The following DHTKD1 variants were observed in gnomAD, a reference collection of about 807,000 sequenced individuals.
DHTKD1 encodes the protein dehydrogenase E1 and transketolase domain containing 1, also known as 2-oxoadipate dehydrogenase complex component E1.
DHTKD1 carries 78 observed loss-of-function variants against 101.8 expected under a neutral mutation model. That is an observed-to-expected ratio of 0.77 (90% CI 0.64 to 0.93). The LOEUF (loss-of-function observed/expected upper bound fraction) is 0.93. Ranked by LOEUF, DHTKD1 falls within the 40% of genes least tolerant of loss-of-function variation. The pLI is 0.00. For missense variants in DHTKD1, 1,223 were observed against 1,161.7 expected (o/e 1.05, Z -0.77); for synonymous variants, 462 against 450.3 (o/e 1.03, Z -0.33).
intron 7 of DHTKD1, among the ~76,000 whole-genome samples, chr10:12,095,767 C>T (rs539502438): frequency 8.0e-6 from 1 of 124,928 alleles, no homozygotes; most frequent in South Asian, 3.0e-4. Context: ...GAGCCCAGAT[C>T]GCACCACTGC....
intron 14 of DHTKD1, among the ~76,000 whole-genome samples, chr10:12,118,425 C>T (rs191197515): frequency 0.011 from 1,662 of 151,372 alleles, 32 homozygotes; most frequent in African/African-American, 0.038. Context: ...CTCTGTCGCC[C>T]AGGCTGGAGT....
rs1259827946 is a variant in DHTKD1 at position 12,087,912 on chromosome 10, G to C, written c.717+183G>C. On this transcript the variant is annotated intron_variant, in intron 4 of 16. Transcript: ENST00000263035. The surrounding 1 kb of genome is among the most constrained non-coding windows in gnomAD (Gnocchi z 5.2). ...GGATGGCTTGAATCTAGGAGTTTGAGACCACCCTGTGGAACAAAGTGAGAC... is the reference window on the plus strand; with the variant it reads ...GGATGGCTTGAATCTAGGAGTTTGACACCACCCTGTGGAACAAAGTGAGAC... 1.3e-5 allele frequency among the ~76,000 whole-genome samples: 2 copies of C among 152,002 alleles called. No individual in the cohort carries two copies. The highest frequency in any genetic ancestry group is 2.9e-5 in the Non-Finnish European group (2 of 68,000).
chr10:12,070,456 G>A (rs1261510946), intron 1 of DHTKD1, among the ~76,000 whole-genome samples: 5 of 151,984 alleles, frequency 3.3e-5, no homozygotes, highest in Admixed American at 6.6e-5. Flanking sequence ...CACTTCGGAG[G>A]GCATTTAAAA....
chr10:12,109,178 A>G (rs1013131549), intron 12 of DHTKD1, among the ~76,000 whole-genome samples: 2 of 151,930 alleles, frequency 1.3e-5, no homozygotes, highest in African/African-American at 4.8e-5. Context: ...AATAATAAAT[A>G]GAGATATCAA....
intron 15 of DHTKD1, among the ~76,000 whole-genome samples, chr10:12,119,600 A>G (rs564761884): frequency 2.8e-5 from 4 of 142,730 alleles, no homozygotes; most frequent in African/African-American, 1.1e-4. Context: ...TGGGCGACAG[A>G]GCGAGACTCC....
Position 12,084,718 on chromosome 10 carries a change from A to G in DHTKD1, c.489A>G (p.Arg163=). Residue 163 remains arginine, a synonymous_variant, in exon 3 of 17, where the codon CGA becomes CGG. Transcript: ENST00000263035. ...LQKETFTTEE[R]KHLSKLMLES... ...AGGAGACGTTTACCACAGAAGAGCG[A>G]AAACATCTGTCGAAACTAATGCTGG... is the stretch of plus-strand genomic sequence containing the variant. 1 of 1,614,166 alleles carries G rather than the reference A, an allele frequency of 6.2e-7. No homozygotes were observed. The highest frequency in any genetic ancestry group is 8.5e-7 in the Non-Finnish European group (1 of 1,180,028).
In DHTKD1 at chr10:12,119,379, G is replaced by A. The variant is rs537076450; in HGVS notation, c.2572+461G>A. ...GCCTGTAGTCCCAGCACTTTGGGAGGCCGAGGTGGGCGGATCACGAGGTCA... is the reference window on the plus strand; with the variant it reads ...GCCTGTAGTCCCAGCACTTTGGGAGACCGAGGTGGGCGGATCACGAGGTCA... On this transcript the variant is annotated intron_variant, in intron 15 of 16. Transcript: ENST00000263035. Among the ~76,000 whole-genome samples the A allele has an allele frequency of 3.2e-3, 490 of 151,724 alleles. 1 individual carries two copies. The highest frequency in any genetic ancestry group is 7.9e-3 in the Admixed American group (120 of 15,202).
intron 10 of DHTKD1, among the ~76,000 whole-genome samples, chr10:12,104,294 T>C (rs1262192369): frequency 6.6e-6 from 1 of 152,098 alleles, no homozygotes; most frequent in Non-Finnish European, 1.5e-5. Context: ...TTCTCCCACC[T>C]CAGCCTCCCA....
rs150685876 is a variant in DHTKD1, at chr10:12,112,971, T to C, written c.2226T>C (p.Pro742=). The C allele has an allele frequency of 5.6e-6, 9 of 1,614,062 alleles. No individual in the cohort carries two copies. In the African/African-American group the frequency reaches 1.1e-4, roughly 19 times the overall value. Residue 742 remains proline (P), a synonymous_variant, in exon 13 of 17, where the codon CCT becomes CCC. Coordinates refer to ENST00000263035, the MANE Select transcript of DHTKD1 (RefSeq NM_018706.7). The part of the protein sequence containing the change: ...VNMFVVHPTT[P]AQYFHLLRRQ... ...TGTTTGTGGTTCACCCAACAACTCC[T>C]GCACAGTATTTCCACTTGCTTAGGA...
At chr10:12,113,171 T>C (rs1487111955) in intron 13 of DHTKD1, 107 bp downstream of exon 13, 1 of 1,026,728 alleles carries the variant, frequency 9.7e-7, no homozygotes, top group African/African-American at 1.7e-5. Context: ...AACACCTTTT[T>C]AGTTTCAACT....
intron 2 of DHTKD1, among the ~76,000 whole-genome samples, chr10:12,083,094 C>T (rs1832848219): frequency 6.6e-6 from 1 of 151,702 alleles, no homozygotes; most frequent in Non-Finnish European, 1.5e-5. Flanking sequence ...GGAAGCGGAG[C>T]TTGCAGTGAG....
chr10:12,097,464 GGGTTTCA>G (rs1483337221), intron 7 of DHTKD1, among the ~76,000 whole-genome samples: 1 of 152,018 alleles, frequency 6.6e-6, no homozygotes, highest in Admixed American at 6.6e-5. Context: ...AGTAGAGACA[GGGTTTCA>G]CCACGTTGGC....
At chr10:12,080,995 T>A (rs1371725246) in intron 1 of DHTKD1, among the ~76,000 whole-genome samples, 1 of 151,578 alleles carries the variant, frequency 6.6e-6, no homozygotes, top group Non-Finnish European at 1.5e-5. Flanking sequence ...TGAGCCCAGG[T>A]TGCAGTGAGC....
intron 7 of DHTKD1, among the ~76,000 whole-genome samples, chr10:12,096,152 AG>A (rs1833069011): frequency 6.6e-6 from 1 of 152,132 alleles, no homozygotes; most frequent in Non-Finnish European, 1.5e-5. Flanking sequence ...AATGTGACGG[AG>A]GGGGAATTTG....
intron 5 of DHTKD1, among the ~76,000 whole-genome samples, chr10:12,089,851 A>T (rs1247981087): frequency 6.6e-6 from 1 of 151,952 alleles, no homozygotes; most frequent in Non-Finnish European, 1.5e-5. Flanking sequence ...TTGTATTTTT[A>T]GTAGAGACAG....
chr10:12,104,478 C>CTTCCTT (rs747663620), intron 10 of DHTKD1, among the ~76,000 whole-genome samples: 10 of 152,150 alleles, frequency 6.6e-5, no homozygotes, highest in Non-Finnish European at 1.2e-4. Context: ...TCTGCCCGTC[C>CTTCCTT]TTCCTTTTTA....
chr10:12,113,193 T>G lies in DHTKD1; in HGVS notation c.2319+129T>G, dbSNP rs114522924. 816 of 917,790 alleles carry G rather than the reference T, an allele frequency of 8.9e-4. 6 individuals carry two copies. In the African/African-American group the frequency reaches 0.013, roughly 14 times the overall value. 56.9% of individuals were successfully genotyped at this position (917,790 alleles called of 1,614,324 possible). A position where few individuals can be genotyped will look rare whatever the true frequency, so the allele number is the denominator to read the frequency against. On this transcript the variant is annotated intron_variant, in intron 13 of 16. Transcript: ENST00000263035. ...TTTTAGTTTCAACTGACTTTGCTAC[T>G]TTCATTTTTTTTGTTGTTTTTTGAG... is the stretch of plus-strand genomic sequence containing the variant.
At chr10:12,102,885 G>A (rs899285441) in intron 10 of DHTKD1, among the ~76,000 whole-genome samples, 3 of 152,088 alleles carry the variant, frequency 2.0e-5, no homozygotes, top group Non-Finnish European at 4.4e-5. Context: ...CTCCCAGAGT[G>A]CTGGGATTAC....
In DHTKD1 at chr10:12,107,918, A is replaced by G; in HGVS notation, c.2057A>G (p.Lys686Arg). 1 of 1,613,084 alleles carries G rather than the reference A, an allele frequency of 6.2e-7. No homozygotes were observed. The highest frequency in any genetic ancestry group is 8.5e-7 in the Non-Finnish European group (1 of 1,179,106). Residue 686 changes from lysine to arginine, a missense_variant, in exon 12 of 17, where the codon AAG becomes AGG. Lys to Arg is a conservative substitution (Grantham distance 26). Coordinates refer to ENST00000263035, the MANE Select transcript of DHTKD1 (RefSeq NM_018706.7). This position sits in a 1 kb window ranked among gnomAD's most constrained non-coding sequence, Gnocchi z 4.1. Reference sequence around the variant, plus strand: ...CGTGGTACTTTTCCAGGAGAGGCCAAGTGGCTCCTACAAAGCGGCATCGTC... The same window carrying G: ...CGTGGTACTTTTCCAGGAGAGGCCAGGTGGCTCCTACAAAGCGGCATCGTC... ...FDTFISGGEA[K>R]WLLQSGIVIL...
Sources: allele counts gnomAD v4.1 joint callset (sites outside exome capture counted in the v4.1 genomes callset), GRCh38; gene constraint gnomAD v4.1.1; non-coding constraint Gnocchi (gnomAD v3.1); transcripts MANE v1.5; gene names NCBI Gene and HGNC (gene_info 2026-07-23, HGNC 2026-07-21).